Variants in DMD observed in about 807,000 individuals in gnomAD.
DMD encodes dystrophin.
A neutral mutation model predicts 330.1 loss-of-function variants in DMD; 63 were observed. The observed-to-expected ratio is 0.19, with a 90% confidence interval of 0.16 to 0.24. The LOEUF (loss-of-function observed/expected upper bound fraction) is 0.24, where lower values mean the gene tolerates loss of function less well. Among genes scored for constraint, DMD ranks in the 10% least tolerant of loss-of-function variants. DMD has a pLI of 1.00. For missense variants in DMD, 3,344 were observed against 2,684.1 expected, an observed-to-expected ratio of 1.25 and a Z score of -5.43; for synonymous variants, 1,223 against 959.8, an observed-to-expected ratio of 1.27 and a Z score of -5.07.
chrX:32,738,890 A>T (rs1042365444), intron 7 of DMD, among the ~76,000 whole-genome samples: 1 of 111,994 alleles, frequency 8.9e-6, no homozygotes, highest in Non-Finnish European at 1.9e-5. Flanking sequence ...TTAGAATATA[A>T]TTAGTGACTG....
chrX:31,449,763 G>GATAT (rs59787771), intron 59 of DMD, among the ~76,000 whole-genome samples: 1,658 of 62,245 alleles, frequency 0.027, 22 homozygotes, highest in South Asian at 0.061. Context: ...TAAATGGTGT[G>GATAT]ATATATATAT....
chrX:32,833,479 T>C (rs983337604), intron 4 of DMD, among the ~76,000 whole-genome samples: 1 of 110,433 alleles, frequency 9.1e-6, no homozygotes, highest in East Asian at 2.8e-4. Flanking sequence ...ATATAGAATA[T>C]ATATTAGAGG....
At chrX:32,761,929 T>A (rs972307169) in intron 7 of DMD, among the ~76,000 whole-genome samples, 1 of 110,460 alleles carries the variant, frequency 9.1e-6, no homozygotes, top group East Asian at 2.9e-4. Context: ...GATGGGCAGA[T>A]CACAAGGTAA....
chrX:31,571,254 G>GT lies in DMD; in HGVS notation c.8217+56418_8217+56419insA, dbSNP rs2075798338. Among the ~76,000 whole-genome samples the GT allele has an allele frequency of 2.8e-3, 254 of 90,451 alleles. 1 individual carries two copies. The highest frequency in any genetic ancestry group is 0.01 in the African/African-American group (239 of 23,881). The allele number at this position is 90,451 out of a possible 115,157, so 78.5% of individuals were successfully genotyped here. On this transcript the variant is annotated intron_variant, in intron 55 of 78. Coordinates refer to ENST00000357033, the MANE Select transcript of DMD (RefSeq NM_004006.3). ...AGTTACATGATAAAAGATTTAAAGG[G>GT]GTGTGTGTGTGTGTGTGTGTGTGTG... is the stretch of plus-strand genomic sequence containing the variant.
chrX:33,009,981 C>CAT (rs1340120289), intron 2 of DMD, among the ~76,000 whole-genome samples: 6 of 47,263 alleles, frequency 1.3e-4, no homozygotes, highest in South Asian at 1.1e-3. Flanking sequence ...TGTGTATACA[C>CAT]ATGTGTGTAT....
At chrX:32,200,774 GTTATACTCAGTGCCCA>G (rs370415651) in intron 44 of DMD, among the ~76,000 whole-genome samples, 3,883 of 111,547 alleles carry the variant, frequency 0.035, 152 homozygotes, top group African/African-American at 0.12. Context: ...TGGCATGTGT[GTTATACTCAGTGCCCA>G]TCTCAATTAG....
chrX:32,218,916 T>G (rs182809892), intron 43 of DMD, among the ~76,000 whole-genome samples: 1 of 111,990 alleles, frequency 8.9e-6, no homozygotes, highest in Admixed American at 9.5e-5. Flanking sequence ...AGTTAAACAA[T>G]TAAAAGTGAT....
intron 13 of DMD, among the ~76,000 whole-genome samples, chrX:32,595,498 T>C (rs759094035): frequency 9.0e-6 from 1 of 111,650 alleles, no homozygotes; most frequent in South Asian, 3.8e-4. Context: ...AACCCCTGCT[T>C]CCCAGCCTTA....
intron 51 of DMD, among the ~76,000 whole-genome samples, chrX:31,732,172 CTA>C (rs10611415): frequency 0.28 from 30,432 of 110,379 alleles, 3,665 homozygotes; most frequent in African/African-American, 0.44. Flanking sequence ...TGCAGTACAA[CTA>C]TGCATTTCTA....
intron 44 of DMD, chrX:32,155,325 G>A: frequency 3.0e-6 from 2 of 658,393 alleles, no homozygotes; most frequent in Non-Finnish European, 3.6e-6. Context: ...CTCAACAGAT[G>A]TCTTCCAGCT....
At chrX:33,256,725 C>T (rs1171547144) in intron 1 of DMD, among the ~76,000 whole-genome samples, 1 of 109,988 alleles carries the variant, frequency 9.1e-6, no homozygotes, top group Non-Finnish European at 1.9e-5. Flanking sequence ...TAGAGAAATA[C>T]ATTTTAGAAA....
At chrX:32,516,186 A>G (rs1243779681) in intron 18 of DMD, among the ~76,000 whole-genome samples, 1 of 112,036 alleles carries the variant, frequency 8.9e-6, no homozygotes, top group Non-Finnish European at 1.9e-5. Flanking sequence ...GTGATGTAGT[A>G]AGAAAATTAA....
chrX:31,436,010 A>G (rs181789014), intron 60 of DMD, among the ~76,000 whole-genome samples: 11 of 111,877 alleles, frequency 9.8e-5, no homozygotes. Context: ...CATGACCATC[A>G]TGGCAATTTT....
At chrX:33,175,013 T>C (rs1275756687) in intron 1 of DMD, among the ~76,000 whole-genome samples, 1 of 112,006 alleles carries the variant, frequency 8.9e-6, no homozygotes, top group Non-Finnish European at 1.9e-5. Context: ...CTTAGCTTTC[T>C]TTCTCAGCCT....
At chrX:33,241,848 G>A (rs2052591054) in intron 1 of DMD, among the ~76,000 whole-genome samples, 2 of 110,860 alleles carry the variant, frequency 1.8e-5, no homozygotes, top group Admixed American at 9.6e-5. Flanking sequence ...TGCAACCTCT[G>A]CCTCCTGGAT....
chrX:31,500,484 T>C (rs190556635), intron 56 of DMD, among the ~76,000 whole-genome samples: 10 of 112,641 alleles, frequency 8.9e-5, no homozygotes, highest in South Asian at 3.7e-4. Flanking sequence ...GTAAGGAACA[T>C]TGTGAGCTCA....
At position 32,445,404 on chromosome X, in the gene DMD, A is replaced by T. The variant is rs1170266458; in HGVS notation, c.3786+3052T>A. On this transcript the variant is annotated intron_variant, in intron 27 of 78. Transcript: ENST00000357033. Reference sequence around the variant, plus strand: ...CCTCTTCACCCTCCCTTATATCGACAGTAGATCTGTATCCAGAAACTGGGA... The same window carrying T: ...CCTCTTCACCCTCCCTTATATCGACTGTAGATCTGTATCCAGAAACTGGGA... Among the ~76,000 whole-genome samples, 3 of 111,041 alleles carry T rather than the reference A, an allele frequency of 2.7e-5. No homozygotes were observed. The East Asian group carries it at 8.5e-4, about 31-fold the overall frequency.
rs10659535 is a variant in DMD, at chrX:31,551,181, GA to G, written c.8218-43729del. ...GGTGCAGAGTGAGACTCCATCTCGG[GA>G]AAAAAAAAAAAAAAAGAGGTATTTA... On this transcript the variant is annotated intron_variant, in intron 55 of 78. Coordinates refer to ENST00000357033, the MANE Select transcript of DMD (RefSeq NM_004006.3). Among the ~76,000 whole-genome samples, 340 of 75,216 alleles carry G rather than the reference GA, an allele frequency of 4.5e-3. 3 individuals are homozygous for G. The highest frequency in any genetic ancestry group is 5.5e-3 in the Non-Finnish European group (226 of 40,965). The allele number at this position is 75,216 out of a possible 115,157, so 65.3% of individuals were successfully genotyped here. A position where few individuals can be genotyped will look rare whatever the true frequency, so the allele number is the denominator to read the frequency against.
intron 48 of DMD, among the ~76,000 whole-genome samples, chrX:31,847,630 G>A (rs1040560323): frequency 2.7e-5 from 3 of 110,749 alleles, no homozygotes; most frequent in Admixed American, 1.9e-4. Context: ...GAAATAAATT[G>A]TAAAATTTGT....
Sources: gnomAD v4.1 joint callset for allele counts (sites outside exome capture counted in the v4.1 genomes callset) on GRCh38, gnomAD v4.1.1 for gene constraint, MANE v1.5 for transcripts, NCBI Gene and HGNC (gene_info 2026-07-23, HGNC 2026-07-21) for gene names.